Variants in EXT2 observed in about 807,000 individuals in gnomAD.
The protein encoded by EXT2 is exostosin glycosyltransferase 2.
In EXT2, 53 loss-of-function variants were observed where a neutral mutation model predicts 81.6. The observed-to-expected ratio is 0.65, with a 90% confidence interval of 0.52 to 0.82. EXT2 has a LOEUF of 0.82. Ranked by LOEUF, EXT2 falls within the 40% of genes least tolerant of loss-of-function variation. EXT2 has a pLI of 0.00. For synonymous variants in EXT2, 320 were observed against 340.0 expected (o/e 0.94, Z 0.65); for missense variants, 774 against 910.2 (o/e 0.85, Z 1.93).
intron 7 of EXT2, among the ~76,000 whole-genome samples, chr11:44,170,227 AT>A (rs1480307712): frequency 6.6e-6 from 1 of 152,200 alleles, no homozygotes; most frequent in Non-Finnish European, 1.5e-5. Context: ...AAAAATAAAA[AT>A]ATTTGGAAAT....
intron 9 of EXT2, among the ~76,000 whole-genome samples, chr11:44,200,709 G>T (rs115767613): frequency 1.0e-3 from 158 of 152,270 alleles, no homozygotes; most frequent in African/African-American, 3.4e-3. Context: ...AGCAACTCAG[G>T]CAATTCTGAA....
intron 8 of EXT2, 51 bp from the exon 9 acceptor site, chr11:44,197,778 C>A: frequency 1.3e-6 from 2 of 1,591,092 alleles, no homozygotes; most frequent in Non-Finnish European, 1.7e-6. Flanking sequence ...ATTGGGTCAG[C>A]CATATTGTTA....
At chr11:44,123,189 C>T (rs1412198471) in intron 4 of EXT2, among the ~76,000 whole-genome samples, 1 of 152,166 alleles carries the variant, frequency 6.6e-6, no homozygotes, top group African/African-American at 2.4e-5. Context: ...AGGAGATGAC[C>T]TTCTCAGTTA....
At chr11:44,194,884 G>A (rs1018569048) in intron 8 of EXT2, among the ~76,000 whole-genome samples, 4 of 152,090 alleles carry the variant, frequency 2.6e-5, no homozygotes, top group African/African-American at 9.7e-5. Flanking sequence ...GAGTGGGTTG[G>A]GGATAGTGAT....
chr11:44,154,791 C>G (rs1565214490), intron 7 of EXT2, among the ~76,000 whole-genome samples: 1 of 152,118 alleles, frequency 6.6e-6, no homozygotes, highest in South Asian at 2.1e-4. Flanking sequence ...TCTACATCCT[C>G]ACCAGCATTC....
intron 4 of EXT2, among the ~76,000 whole-genome samples, chr11:44,122,778 T>C (rs1320195457): frequency 6.6e-6 from 1 of 152,188 alleles, no homozygotes. Flanking sequence ...AGTAGAACTT[T>C]CTGCAGTAAG....
intron 7 of EXT2, among the ~76,000 whole-genome samples, chr11:44,154,662 G>A (rs926767144): frequency 3.9e-5 from 6 of 152,038 alleles, no homozygotes; most frequent in Non-Finnish European, 8.8e-5. Flanking sequence ...ACCTAGCATT[G>A]GGATTGCTGG....
intron 10 of EXT2, among the ~76,000 whole-genome samples, chr11:44,210,208 CT>C (rs1955631154): frequency 6.6e-6 from 1 of 152,156 alleles, no homozygotes; most frequent in Non-Finnish European, 1.5e-5. Context: ...TTCAAAGCAG[CT>C]TTTATTTGTA....
intron 1 of EXT2, among the ~76,000 whole-genome samples, chr11:44,097,598 G>A (rs1953916692): frequency 6.6e-6 from 1 of 151,900 alleles, no homozygotes; most frequent in Non-Finnish European, 1.5e-5. Flanking sequence ...AAGACCAGCT[G>A]GCCAACATGA....
chr11:44,157,731 C>T (rs1954875196), intron 7 of EXT2, among the ~76,000 whole-genome samples: 2 of 152,206 alleles, frequency 1.3e-5, no homozygotes, highest in Admixed American at 1.3e-4. Context: ...TATGGCCAAG[C>T]TGGTCCCCAA....
chr11:44,191,197 T>C (rs1207565652), intron 8 of EXT2, among the ~76,000 whole-genome samples: 2 of 152,240 alleles, frequency 1.3e-5, no homozygotes, highest in African/African-American at 4.8e-5. Context: ...GCAATTGCAA[T>C]TTAACAATGT....
intron 8 of EXT2, among the ~76,000 whole-genome samples, chr11:44,180,782 T>C (rs1955223589): frequency 6.6e-6 from 1 of 152,184 alleles, no homozygotes; most frequent in African/African-American, 2.4e-5. Context: ...TGAAGGGAGA[T>C]ACATTTTCTG....
chr11:44,193,762 C>T (rs949628244), intron 8 of EXT2, among the ~76,000 whole-genome samples: 1 of 152,164 alleles, frequency 6.6e-6, no homozygotes, highest in Non-Finnish European at 1.5e-5. Context: ...TCCAGTTCTC[C>T]TTATGCTCCT....
At chr11:44,195,708 G>A (rs1204059341) in intron 8 of EXT2, among the ~76,000 whole-genome samples, 1 of 152,104 alleles carries the variant, frequency 6.6e-6, no homozygotes, top group Non-Finnish European at 1.5e-5. Context: ...AGGGAACCTT[G>A]GCAATCCCAG....
At chr11:44,198,159 T>C (rs761282985) in intron 9 of EXT2, 141 bp downstream of exon 9, 12 of 886,328 alleles carry the variant, frequency 1.4e-5, no homozygotes, top group South Asian at 8.8e-5. Context: ...TTCTCAGTCA[T>C]CTCATTCTTG....
At chr11:44,229,191 C>G (rs1189496638) in intron 10 of EXT2, among the ~76,000 whole-genome samples, 1 of 152,210 alleles carries the variant, frequency 6.6e-6, no homozygotes, top group African/African-American at 2.4e-5. Context: ...CAGCACATTT[C>G]ATGGCATCTG....
chr11:44,121,428 C>T (rs1306309719), intron 4 of EXT2, among the ~76,000 whole-genome samples: 3 of 152,178 alleles, frequency 2.0e-5, no homozygotes, highest in Non-Finnish European at 4.4e-5. Context: ...TCTCCAGTTC[C>T]ATCCAACACT....
chr11:44,171,900 T>C, intron 8 of EXT2, 158 bp downstream of exon 8: 1 of 1,107,964 alleles, frequency 9.0e-7, no homozygotes, highest in South Asian at 1.3e-5. Flanking sequence ...CAGCATAATT[T>C]TGAAACACTG....
At chr11:44,171,498 T>C in intron 7 of EXT2, 113 bp from the exon 8 acceptor site, 2 of 1,549,556 alleles carry the variant, frequency 1.3e-6, no homozygotes, top group Middle Eastern at 1.7e-4. Flanking sequence ...CCCCCATCCC[T>C]ACAACTTTGG....
Sources: gnomAD v4.1 joint callset for allele counts (sites outside exome capture counted in the v4.1 genomes callset) on GRCh38, gnomAD v4.1.1 for gene constraint, MANE v1.5 for transcripts, NCBI Gene and HGNC (gene_info 2026-07-23, HGNC 2026-07-21) for gene names.